Variants in GRID2 observed in about 807,000 individuals in gnomAD.
GRID2 encodes glutamate ionotropic receptor delta type subunit 2.
Under a neutral mutation model 114.8 loss-of-function variants are expected in GRID2, and 33 were observed. That is an observed-to-expected ratio of 0.29 (90% CI 0.22 to 0.38). The LOEUF is 0.38. GRID2 is among the 10% of genes least tolerant of loss of function. The pLI, the probability that GRID2 is intolerant of heterozygous loss-of-function variation, is 1.00. For missense variants in GRID2, 1,184 were observed against 1,257.7 expected (o/e 0.94, Z 0.89); for synonymous variants, 505 against 449.9 (o/e 1.12, Z -1.55).
Position 92,568,369 on chromosome 4 carries a change from C to T in GRID2, c.89-21762C>T, listed in dbSNP as rs191656829. Among the ~76,000 whole-genome samples the T allele has an allele frequency of 5.2e-4, 79 of 151,996 alleles. 1 individual carries two copies. Among genetic ancestry groups the T allele is most frequent in the Admixed American group, 5.1e-3 (78 of 15,212 alleles). ...TGTGTCGAGATGCCATTCAAGGCTG[C>T]CCTGACATACAAAGAAACTTTTACA... On this transcript the variant is annotated intron_variant, in intron 1 of 15. Coordinates refer to ENST00000282020, the MANE Select transcript of GRID2 (RefSeq NM_001510.4).
chr4:93,230,634 G>C (rs187107328), intron 7 of GRID2, among the ~76,000 whole-genome samples: 174 of 152,140 alleles, frequency 1.1e-3, no homozygotes, highest in African/African-American at 4.0e-3. Flanking sequence ...GATGTACTAA[G>C]TGTTGCGTAG....
chr4:93,526,694 A>T (rs1730940349), intron 13 of GRID2, among the ~76,000 whole-genome samples: 1 of 152,168 alleles, frequency 6.6e-6, no homozygotes, highest in African/African-American at 2.4e-5. Flanking sequence ...CTGTAATCCC[A>T]GCTACTCGGG....
At chr4:93,261,994 G>T (rs1315430401) in intron 8 of GRID2, among the ~76,000 whole-genome samples, 1 of 151,452 alleles carries the variant, frequency 6.6e-6, no homozygotes, top group Non-Finnish European at 1.5e-5. Context: ...ACTGACCCCT[G>T]ATCTTATCCG....
intron 2 of GRID2, among the ~76,000 whole-genome samples, chr4:92,769,393 A>G (rs759404098): frequency 6.6e-6 from 1 of 152,148 alleles, no homozygotes; most frequent in Admixed American, 6.5e-5. Context: ...TTCCAGGCAC[A>G]TGGTACAAGC....
At chr4:92,427,271 G>C (rs11942274) in intron 1 of GRID2, among the ~76,000 whole-genome samples, 49,085 of 151,792 alleles carry the variant, frequency 0.32, 8,279 homozygotes, top group African/African-American at 0.41. Flanking sequence ...GTATTTAGAC[G>C]ACATTCTTGA....
intron 1 of GRID2, among the ~76,000 whole-genome samples, chr4:92,307,463 A>G (rs1283400001): frequency 6.6e-6 from 1 of 152,186 alleles, no homozygotes; most frequent in Non-Finnish European, 1.5e-5. Flanking sequence ...GGCTTTTTAT[A>G]TATTGAATTA....
intron 4 of GRID2, among the ~76,000 whole-genome samples, chr4:93,134,757 T>C (rs1735091861): frequency 6.6e-6 from 1 of 152,168 alleles, no homozygotes; most frequent in Non-Finnish European, 1.5e-5. Flanking sequence ...ATATATTTTT[T>C]GCAGAACAAA....
chr4:93,169,168 A>G (rs963519302), intron 4 of GRID2, among the ~76,000 whole-genome samples: 1 of 150,492 alleles, frequency 6.6e-6, no homozygotes, highest in Non-Finnish European at 1.5e-5. Context: ...ACACACACAC[A>G]CACACACACA....
At chr4:93,717,835 T>C (rs1246541639) in intron 14 of GRID2, among the ~76,000 whole-genome samples, 2 of 152,184 alleles carry the variant, frequency 1.3e-5, no homozygotes, top group Admixed American at 1.3e-4. Context: ...TTAAAACAAG[T>C]CAACCATAAT....
intron 13 of GRID2, among the ~76,000 whole-genome samples, chr4:93,522,306 T>C (rs1344004927): frequency 2.0e-5 from 3 of 152,154 alleles, no homozygotes; most frequent in Non-Finnish European, 2.9e-5. Flanking sequence ...AAAATAGGAA[T>C]GGCTGTCCTG....
At chr4:93,215,782 C>A (rs955911054) in intron 5 of GRID2, among the ~76,000 whole-genome samples, 1 of 151,930 alleles carries the variant, frequency 6.6e-6, no homozygotes, top group African/African-American at 2.4e-5. Context: ...TATCTGTTTT[C>A]TTTCATTTTT....
intron 2 of GRID2, among the ~76,000 whole-genome samples, chr4:92,961,657 G>A (rs1050827042): frequency 1.3e-5 from 2 of 150,848 alleles, no homozygotes; most frequent in African/African-American, 4.9e-5. Flanking sequence ...GGTTTTCTTA[G>A]CATTTATCTT....
rs1046805855 is a variant in GRID2 at position 93,643,789 on chromosome 4, A to G, written c.2360+17354A>G. On this transcript the variant is annotated intron_variant, in intron 14 of 15. Transcript: ENST00000282020. ...TTGTTTGTCTGTGCCCTGCCCCCAGAGGTGGAGCCTACAGAGGCAGGCAGG... is the reference window on the plus strand; with the variant it reads ...TTGTTTGTCTGTGCCCTGCCCCCAGGGGTGGAGCCTACAGAGGCAGGCAGG... Among the ~76,000 whole-genome samples the G allele has an allele frequency of 9.9e-5, 5 of 50,666 alleles. 1 individual carries two copies. The highest frequency in any genetic ancestry group is 1.7e-4 in the Non-Finnish European group (5 of 28,646). The allele number at this position is 50,666 out of a possible 152,430, so 33.2% of individuals were successfully genotyped here. A position where few individuals can be genotyped will look rare whatever the true frequency, so the allele number is the denominator to read the frequency against.
At chr4:92,946,529 G>T (rs1412607158) in intron 2 of GRID2, among the ~76,000 whole-genome samples, 1 of 151,714 alleles carries the variant, frequency 6.6e-6, no homozygotes, top group African/African-American at 2.4e-5. Context: ...TATTTAAGTT[G>T]TTTGTTTTAA....
intron 1 of GRID2, among the ~76,000 whole-genome samples, chr4:92,316,513 G>A (rs1725990336): frequency 6.6e-6 from 1 of 152,090 alleles, no homozygotes; most frequent in African/African-American, 2.4e-5. Context: ...AAACCATAAC[G>A]TGACATTTTT....
intron 1 of GRID2, among the ~76,000 whole-genome samples, chr4:92,338,031 C>T (rs1372586346): frequency 1.3e-5 from 2 of 152,058 alleles, no homozygotes; most frequent in African/African-American, 4.8e-5. Flanking sequence ...CTAGAAGAAG[C>T]ACCAACAGTA....
At chr4:92,404,386 C>A (rs1560609718) in intron 1 of GRID2, among the ~76,000 whole-genome samples, 1 of 152,132 alleles carries the variant, frequency 6.6e-6, no homozygotes, top group African/African-American at 2.4e-5. Context: ...CAAGAAACAA[C>A]AGATGCTGGC....
intron 7 of GRID2, among the ~76,000 whole-genome samples, chr4:93,230,164 G>A (rs941132902): frequency 3.3e-5 from 5 of 151,918 alleles, no homozygotes; most frequent in Non-Finnish European, 5.9e-5. Context: ...GTGTGTGTGT[G>A]TGTGTGCATG....
At chr4:92,892,273 T>C (rs1484425110) in intron 2 of GRID2, among the ~76,000 whole-genome samples, 1 of 151,944 alleles carries the variant, frequency 6.6e-6, no homozygotes, top group Non-Finnish European at 1.5e-5. Flanking sequence ...CATGTTGGCC[T>C]GGCTGGTCTT....
Sources: gnomAD v4.1 joint callset for allele counts (sites outside exome capture counted in the v4.1 genomes callset) on GRCh38, gnomAD v4.1.1 for gene constraint, MANE v1.5 for transcripts, NCBI Gene and HGNC (gene_info 2026-07-23, HGNC 2026-07-21) for gene names.